Variants in CHD5 observed in about 807,000 individuals in gnomAD.
CHD5 encodes chromodomain helicase DNA binding protein 5.
A neutral mutation model predicts 230.3 loss-of-function variants in CHD5; 69 were observed. That is an observed-to-expected ratio of 0.30 (90% confidence interval 0.25 to 0.37). The LOEUF is 0.37. Ranked by LOEUF, CHD5 falls within the 10% of genes least tolerant of loss-of-function variation. The pLI is 1.00. For synonymous variants in CHD5, 1,064 were observed against 1,065.9 expected (o/e 1.00, Z 0.03); for missense variants, 1,827 against 2,622.8 (o/e 0.70, Z 6.63).
At chr1:6,151,847 G>C (rs1330428959) in intron 6 of CHD5, among the ~76,000 whole-genome samples, 1 of 152,184 alleles carries the variant, frequency 6.6e-6, no homozygotes, top group African/African-American at 2.4e-5. Flanking sequence ...GGTGAGGAGG[G>C]CGAATGCCCC....
chr1:6,159,560 C>A, intron 2 of CHD5, 45 bp from the exon 3 acceptor site: 2 of 1,538,004 alleles, frequency 1.3e-6, no homozygotes, highest in Non-Finnish European at 1.8e-6. Context: ...GCCCCAGGAA[C>A]ATCCAGAGTC....
At chr1:6,141,168 C>T (rs370582332) in intron 15 of CHD5, among the ~76,000 whole-genome samples, 2 of 150,796 alleles carry the variant, frequency 1.3e-5, no homozygotes, top group Admixed American at 6.6e-5. Context: ...CCTGTAATCC[C>T]GGCGACTCTG....
At chr1:6,152,774 C>T (rs2100866970) in intron 5 of CHD5, among the ~76,000 whole-genome samples, 1 of 152,342 alleles carries the variant, frequency 6.6e-6, no homozygotes, top group Middle Eastern at 3.4e-3. Flanking sequence ...CCTTGCTGCC[C>T]CTTGTCCATG....
At position 6,130,055 on chromosome 1, in the gene CHD5, T is replaced by C; in HGVS notation, c.3387+149A>G. The C allele has an allele frequency of 2.3e-6, 2 of 880,776 alleles. No homozygotes were observed. Among genetic ancestry groups the C allele is most frequent in the Non-Finnish European group, 3.6e-6 (2 of 561,010 alleles). 54.6% of individuals were successfully genotyped at this position (880,776 alleles called of 1,614,324 possible). ...AGCTTCCACTCACTCCCAGAGCCCC[T>C]CTTGGGGCCGAGACTCCACGGGGGA... On this transcript the variant is annotated intron_variant, in intron 22 of 41. Transcript: ENST00000262450. This position sits in a 1 kb window ranked among gnomAD's most constrained non-coding sequence, Gnocchi z 4.9.
intron 8 of CHD5, 35 bp from the exon 9 acceptor site, chr1:6,149,110 G>T: frequency 1.4e-6 from 2 of 1,473,028 alleles, no homozygotes; most frequent in South Asian, 2.8e-5. Context: ...CACCCTGGGC[G>T]GGGTCCCCGC....
chr1:6,168,079 C>T, intron 2 of CHD5, 71 bp downstream of exon 2: 1 of 1,529,718 alleles, frequency 6.5e-7, no homozygotes, highest in East Asian at 2.3e-5. Context: ...CCCAGCCCTC[C>T]TCTGCGGCCG....
chr1:6,166,559 C>T (rs184540848), intron 2 of CHD5, among the ~76,000 whole-genome samples: 16 of 152,194 alleles, frequency 1.1e-4, no homozygotes, highest in African/African-American at 3.9e-4. Flanking sequence ...CCCCAGCAGT[C>T]CCTGAACTCC....
At chr1:6,156,207 A>C (rs1300219091) in intron 3 of CHD5, among the ~76,000 whole-genome samples, 1 of 152,182 alleles carries the variant, frequency 6.6e-6, no homozygotes, top group East Asian at 1.9e-4. Context: ...ATGAGGCCGC[A>C]GGGCTCCAGG....
Position 6,148,929 on chromosome 1 carries a change from G to A in CHD5, c.1308C>T (p.Ser436=). ...GELLCCDACP[S]SYHLHCLNPP... Reference sequence around the variant, plus strand: ...GGTTGAGGCAATGCAGGTGGTAGGAGGAGGGGCAGGCGTCGCAGCAGAGCA... The same window carrying A: ...GGTTGAGGCAATGCAGGTGGTAGGAAGAGGGGCAGGCGTCGCAGCAGAGCA... Residue 436 remains serine, a synonymous_variant, in exon 9 of 42, where the codon TCC becomes TCT. Transcript: ENST00000262450. 6.3e-7 allele frequency: 1 copy of A among 1,593,242 alleles called. No individual in the cohort carries two copies. Among genetic ancestry groups the A allele is most frequent in the Non-Finnish European group, 8.5e-7 (1 of 1,169,670 alleles).
chr1:6,143,778 G>A (rs752162707), intron 13 of CHD5, 45 bp downstream of exon 13: 2 of 1,543,690 alleles, frequency 1.3e-6, no homozygotes, highest in Non-Finnish European at 1.8e-6. Context: ...GAGGTGGGCA[G>A]GCCCTGGCAA....
intron 3 of CHD5, among the ~76,000 whole-genome samples, chr1:6,159,020 A>G (rs1430757746): frequency 6.7e-6 from 1 of 150,326 alleles, no homozygotes; most frequent in Non-Finnish European, 1.5e-5. Context: ...AAAAAAAAAA[A>G]AAAAAAGAGA....
intron 38 of CHD5, among the ~76,000 whole-genome samples, chr1:6,107,060 GC>G: frequency 8.3e-6 from 1 of 120,638 alleles, no homozygotes. Context: ...GAATGATGGA[GC>G]GATGGAAGGA....
intron 1 of CHD5, among the ~76,000 whole-genome samples, chr1:6,173,130 A>C (rs1667365335): frequency 7.0e-6 from 1 of 141,912 alleles, no homozygotes; most frequent in South Asian, 2.3e-4. Context: ...TTTTAGACGG[A>C]CTCTCGCTCT....
rs371779468 is a variant in CHD5 at position 6,149,226 on chromosome 1, G to A, written c.1161+20C>T. 1.4e-5 allele frequency: 22 copies of A among 1,560,410 alleles called. No homozygotes were observed. Among genetic ancestry groups the A allele is most frequent in the Non-Finnish European group, 1.7e-5 (19 of 1,148,348 alleles). ...CCAGGCGTGGCCCCGCCCCCAGCCC[G>A]GGGCTCTGCCAAGGCTTACACAGTG... is the stretch of plus-strand genomic sequence containing the variant. On this transcript the variant is annotated intron_variant, in intron 8 of 41. Transcript: ENST00000262450.
intron 9 of CHD5, 40 bp downstream of exon 9, chr1:6,148,814 T>TGGGGCGGGGCGTCCGGCGC: frequency 9.7e-7 from 1 of 1,034,138 alleles, no homozygotes. Flanking sequence ...GTTCCTGGGG[T>TGGGGCGGGGCGTCCGGCGC]GGGGCGGGGC....
At position 6,129,632 on chromosome 1, in the gene CHD5, T is replaced by C. The variant is rs1202493043; in HGVS notation, c.3388-563A>G. ...CACACACATGTGAATGAGACATCAA[T>C]TTGTATGTGTTCCCCTACATTTGTA... On this transcript the variant is annotated intron_variant, in intron 22 of 41. Coordinates refer to ENST00000262450, the MANE Select transcript of CHD5 (RefSeq NM_015557.3). This position sits in a 1 kb window ranked among gnomAD's most constrained non-coding sequence, Gnocchi z 6.8. Among the ~76,000 whole-genome samples, 1 of 152,146 alleles carries C rather than the reference T, an allele frequency of 6.6e-6. No individual in the cohort carries two copies. The highest frequency in any genetic ancestry group is 2.4e-5 in the African/African-American group (1 of 41,426).
rs1161754384 is a variant in CHD5 at position 6,146,978 on chromosome 1, GCCC to G, written c.1384-110_1384-108del. The G allele has an allele frequency of 1.4e-5, 12 of 852,762 alleles. No homozygotes were observed. The highest frequency in any genetic ancestry group is 1.9e-5 in the Non-Finnish European group (11 of 566,538). The allele number at this position is 852,762 out of a possible 1,614,324, so 52.8% of individuals were successfully genotyped here. On this transcript the variant is annotated intron_variant, in intron 9 of 41. Coordinates refer to ENST00000262450, the MANE Select transcript of CHD5 (RefSeq NM_015557.3). This position sits in a 1 kb window ranked among gnomAD's most constrained non-coding sequence, Gnocchi z 5.1. Reference sequence around the variant, plus strand: ...CAGGCTCCCTCCCATCAGTGCCACTGCCCCCAAGTCAGAACAGTACCACGGTGA... The same window carrying G: ...CAGGCTCCCTCCCATCAGTGCCACTGCCAAGTCAGAACAGTACCACGGTGA...
chr1:6,137,359 G>A (rs971688104), intron 15 of CHD5, among the ~76,000 whole-genome samples: 4 of 152,138 alleles, frequency 2.6e-5, no homozygotes, highest in Non-Finnish European at 4.4e-5. Flanking sequence ...CGCCCACCTC[G>A]ACCTCCCATA....
At chr1:6,124,143 G>A (rs1347423364) in intron 30 of CHD5, 36 bp from the exon 31 acceptor site, 1 of 1,591,112 alleles carries the variant, frequency 6.3e-7, no homozygotes, top group African/African-American at 1.3e-5. Flanking sequence ...AGGGAAAGAG[G>A]GAGGGCAGTG....
Sources: allele counts gnomAD v4.1 joint callset (sites outside exome capture counted in the v4.1 genomes callset), GRCh38; gene constraint gnomAD v4.1.1; non-coding constraint Gnocchi (gnomAD v3.1); transcripts MANE v1.5; gene names NCBI Gene and HGNC (gene_info 2026-07-23, HGNC 2026-07-21).